CACNA1A: variants seen among roughly 807,000 people sequenced by gnomAD.
CACNA1A encodes voltage-dependent P/Q-type calcium channel subunit alpha-1A.
CACNA1A carries 57 observed loss-of-function variants against 262.4 expected under a neutral mutation model. That is an observed-to-expected ratio of 0.22 (90% CI 0.18 to 0.27). The LOEUF is 0.27. CACNA1A is among the 10% of genes least tolerant of loss of function. The pLI is 1.00. For synonymous variants in CACNA1A, 1,431 were observed against 1,419.3 expected, an observed-to-expected ratio of 1.01 and a Z score of -0.18; for missense variants, 2,526 against 3,562.8, an observed-to-expected ratio of 0.71 and a Z score of 7.41.
intron 28 of CACNA1A, 149 bp downstream of exon 28, chr19:13,257,201 G>A (rs2056595943): frequency 9.6e-6 from 6 of 622,690 alleles, no homozygotes; most frequent in East Asian, 2.8e-5. Flanking sequence ...ACTCCATGAA[G>A]GGCTGCCCTG....
rs867440129 is a variant in CACNA1A at position 13,209,464 on chromosome 19, G to A, written c.6374C>T (p.Ala2125Val). The A allele has an allele frequency of 2.2e-6, 3 of 1,360,094 alleles. No homozygotes were observed. The allele number at this position is 1,360,094 out of a possible 1,614,324, so 84.3% of individuals were successfully genotyped here. A position where few individuals can be genotyped will look rare whatever the true frequency, so the allele number is the denominator to read the frequency against. Residue 2125 changes from alanine (A) to valine (V), a missense_variant, in exon 45 of 47, where the codon GCC becomes GTC. Physicochemically the swap from Ala to Val is moderately conservative, Grantham distance 64 (BLOSUM62 0). This residue lies in a region of CACNA1A where 929 missense variants were observed against 868.1 expected (regional missense o/e 1.07). Transcript: ENST00000360228. ...ISDTSPMKRSASVLGPKARRL... is the reference protein window; with the variant it reads ...ISDTSPMKRSVSVLGPKARRL... ...TCGGGCCTTGGGGCCCAGCACGGAG[G>A]CTGAACGCTTCATGGGGCTGGTGTC... is the stretch of plus-strand genomic sequence containing the variant.
In CACNA1A at chr19:13,212,035, G is replaced by C. The variant is rs553463202; in HGVS notation, c.6303+68C>G. The C allele has an allele frequency of 3.6e-4, 411 of 1,138,974 alleles. No individual in the cohort carries two copies. Among genetic ancestry groups the C allele is most frequent in the Non-Finnish European group, 8.0e-5 (62 of 771,712 alleles). 70.6% of individuals were successfully genotyped at this position (1,138,974 alleles called of 1,614,324 possible). A position where few individuals can be genotyped will look rare whatever the true frequency, so the allele number is the denominator to read the frequency against. On this transcript the variant is annotated intron_variant, in intron 43 of 46. Coordinates refer to ENST00000360228, the MANE Select transcript of CACNA1A (RefSeq NM_001127222.2). The surrounding 1 kb of genome is among the most constrained non-coding windows in gnomAD (Gnocchi z 5.6). The stretch of plus-strand genomic sequence containing the variant: ...GGAGGGGATGCACTGGGCTGCTTGT[G>C]GGGGGGCCTGGCCCTACCCAGTGCA...
At chr19:13,274,282 G>GTGTTCCCA (rs2057095505) in intron 24 of CACNA1A, 1 of 152,158 alleles carries the variant, frequency 6.6e-6, no homozygotes, top group Non-Finnish European at 1.5e-5. Flanking sequence ...TGACCTCATT[G>GTGTTCCCA]TGTTCCCAGA....
At chr19:13,356,213 T>C (rs534853803) in intron 6 of CACNA1A, among the ~76,000 whole-genome samples, 1 of 152,314 alleles carries the variant, frequency 6.6e-6, no homozygotes, top group African/African-American at 2.4e-5. Flanking sequence ...AGGAACACCA[T>C]GCAGGGTGGG....
chr19:13,207,631 G>T lies in CACNA1A; in HGVS notation c.7203C>A (p.Pro2401=). The change falls in exon 47 of 47, where the codon CCC becomes CCA. Residue 2401 remains proline, a synonymous_variant. Transcript: ENST00000360228. This position sits in a 1 kb window ranked among gnomAD's most constrained non-coding sequence, Gnocchi z 5.7. ...AGTAGCCATGGTGCCGGGGACCCGG[G>T]GGCCCCTCGGACACGTGCGGGCCAG... ...PASGPHVSEG[P]PGPRHHGYYR... The T allele has an allele frequency of 6.8e-7, 1 of 1,478,364 alleles. No homozygotes were observed. Among genetic ancestry groups the T allele is most frequent in the Non-Finnish European group, 9.0e-7 (1 of 1,115,212 alleles). The allele number at this position is 1,478,364 out of a possible 1,614,324, so 91.6% of individuals were successfully genotyped here.
chr19:13,347,747 G>A (rs2058819022), intron 6 of CACNA1A, among the ~76,000 whole-genome samples: 4 of 152,140 alleles, frequency 2.6e-5, no homozygotes, highest in Admixed American at 2.6e-4. Flanking sequence ...TCTGCATACA[G>A]TAGGCATTCA....
intron 17 of CACNA1A, 47 bp from the exon 18 acceptor site, chr19:13,300,703 T>A: frequency 6.8e-7 from 1 of 1,475,378 alleles, no homozygotes; most frequent in South Asian, 1.1e-5. Flanking sequence ...AACTAGGCCT[T>A]GGGGACTCAC....
intron 19 of CACNA1A, among the ~76,000 whole-genome samples, chr19:13,296,959 C>A (rs553474381): frequency 2.0e-5 from 3 of 149,948 alleles, no homozygotes; most frequent in African/African-American, 7.4e-5. Context: ...GGGTCTGCCT[C>A]TATTGCCCAG....
chr19:13,411,931 G>C (rs2060118525), intron 3 of CACNA1A, among the ~76,000 whole-genome samples: 1 of 151,974 alleles, frequency 6.6e-6, no homozygotes, highest in African/African-American at 2.4e-5. Flanking sequence ...GCCCAGGCTG[G>C]TGTCAAACTC....
chr19:13,438,252 G>T (rs2060648245), intron 3 of CACNA1A, among the ~76,000 whole-genome samples: 2 of 152,200 alleles, frequency 1.3e-5, no homozygotes, highest in African/African-American at 4.8e-5. Context: ...CAGGGAACAG[G>T]AATGGGGCCC....
chr19:13,276,698 T>TA (rs1440853860), intron 23 of CACNA1A, among the ~76,000 whole-genome samples: 1 of 8,926 alleles, frequency 1.1e-4, no homozygotes, highest in East Asian at 5.7e-4. Flanking sequence ...ATCCCAGCTC[T>TA]TTTTTTTTTT....
chr19:13,441,570 G>A (rs2060720262), intron 3 of CACNA1A, among the ~76,000 whole-genome samples: 1 of 151,804 alleles, frequency 6.6e-6, no homozygotes, highest in African/African-American at 2.4e-5. Flanking sequence ...GGGAGGCTGA[G>A]GTGGGAGTGC....
intron 3 of CACNA1A, among the ~76,000 whole-genome samples, chr19:13,392,821 ACTGCAACCT>A (rs1273429020): frequency 6.6e-6 from 1 of 152,008 alleles, no homozygotes; most frequent in African/African-American, 2.4e-5. Flanking sequence ...ATCTCTGCTC[ACTGCAACCT>A]CTGCCTCCCA....
Position 13,262,742 on chromosome 19 carries a change from T to C in CACNA1A, c.4081A>G (p.Lys1361Glu). Residue 1361 changes from lysine to glutamate, a missense_variant, in exon 25 of 47, where the codon AAG (lysine) becomes GAG (glutamate). This residue lies in a region of CACNA1A where 137 missense variants were observed against 377.7 expected (regional missense o/e 0.36). Coordinates refer to ENST00000360228, the MANE Select transcript of CACNA1A (RefSeq NM_001127222.2). ...RPLKTIKRLP[K>E]LKAVFDCVVN... ...CCATCTCCCAATCTCACCTTGAGCT[T>C]TGGCAGCCGCTTGATGGTTTTAAGA... is the stretch of plus-strand genomic sequence containing the variant. 6.2e-7 allele frequency: 1 copy of C among 1,609,252 alleles called. No individual in the cohort carries two copies. The highest frequency in any genetic ancestry group is 8.5e-7 in the Non-Finnish European group (1 of 1,176,092).
chr19:13,462,476 C>A (rs997955428), intron 1 of CACNA1A, among the ~76,000 whole-genome samples: 4 of 152,204 alleles, frequency 2.6e-5, no homozygotes, highest in African/African-American at 9.6e-5. Context: ...ACCCCAATTT[C>A]ACTCTGCAAT....
At position 13,286,655 on chromosome 19, in the gene CACNA1A, G is replaced by A; in HGVS notation, c.3401C>T (p.Pro1134Leu). 6.4e-7 allele frequency: 1 copy of A among 1,551,916 alleles called. No homozygotes were observed. Among genetic ancestry groups the A allele is most frequent in the South Asian group, 1.2e-5 (1 of 81,102 alleles). The change falls in exon 20 of 47, where the codon CCC becomes CTC. Residue 1134 changes from proline (P) to leucine (L), a missense_variant. Pro to Leu is a moderately conservative substitution (Grantham distance 98, BLOSUM62 -3). Transcript: ENST00000360228. ...TPNNPGNPSN[P>L]GPPKTPENSL... is the part of the protein sequence containing the mutation. ...ATTCTCGGGGGTCTTGGGGGGGCCG[G>A]GATTGGATGGGTTCCCCGGGTTGTT... is the stretch of plus-strand genomic sequence containing the variant.
At chr19:13,425,278 C>T (rs2060382364) in intron 3 of CACNA1A, among the ~76,000 whole-genome samples, 2 of 152,174 alleles carry the variant, frequency 1.3e-5, no homozygotes, top group Non-Finnish European at 2.9e-5. Context: ...CCAGAGGTAA[C>T]CTGAGCATCT....
At chr19:13,371,868 T>C in intron 3 of CACNA1A, 89 bp from the exon 4 acceptor site, 1 of 939,732 alleles carries the variant, frequency 1.1e-6, no homozygotes. Flanking sequence ...CAAGCTGTCC[T>C]GTATTGGTTG....
At chr19:13,361,675 G>C (rs531688135) in intron 5 of CACNA1A, among the ~76,000 whole-genome samples, 15 of 152,212 alleles carry the variant, frequency 9.9e-5, no homozygotes, top group Non-Finnish European at 2.2e-4. Flanking sequence ...AGCTCTGGCT[G>C]AATAGAAACT....
Sources: allele counts gnomAD v4.1 joint callset (sites outside exome capture counted in the v4.1 genomes callset), GRCh38; gene constraint gnomAD v4.1.1; regional missense constraint gnomAD v4.1.1; non-coding constraint Gnocchi (gnomAD v3.1); transcripts MANE v1.5; gene names NCBI Gene and HGNC (gene_info 2026-07-23, HGNC 2026-07-21).